The following PYGO1 variants were observed in gnomAD, a reference collection of about 807,000 sequenced individuals.
The protein encoded by PYGO1 is pygopus homolog 1.
A neutral mutation model predicts 29.5 loss-of-function variants in PYGO1; 6 were observed. That is an observed-to-expected ratio of 0.20 (90% CI 0.11 to 0.40). PYGO1 has a LOEUF of 0.40. PYGO1 is among the 10% of genes least tolerant of loss of function. The probability of loss-of-function intolerance (pLI) is 1.00; values close to 1 mark genes in which losing one functional copy is unlikely to be tolerated. For synonymous variants in PYGO1, 186 were observed against 180.5 expected, an observed-to-expected ratio of 1.03 and a Z score of -0.24; for missense variants, 515 against 514.9, an observed-to-expected ratio of 1.00 and a Z score of 0.00.
chr15:55,557,666 T>C (rs377729367), intron 1 of PYGO1, among the ~76,000 whole-genome samples: 5 of 152,112 alleles, frequency 3.3e-5, no homozygotes, highest in South Asian at 4.1e-4. Context: ...GGCTTCATCC[T>C]TGGGATGCAA....
At chr15:55,570,651 T>C (rs1486776403) in intron 1 of PYGO1, among the ~76,000 whole-genome samples, 2 of 152,102 alleles carry the variant, frequency 1.3e-5, no homozygotes, top group African/African-American at 4.8e-5. Flanking sequence ...AATGTGAAGA[T>C]AGTAAAGAGA....
intron 1 of PYGO1, among the ~76,000 whole-genome samples, chr15:55,582,647 T>G (rs749684625): frequency 3.9e-4 from 60 of 152,294 alleles, no homozygotes; most frequent in Admixed American, 1.6e-3. Flanking sequence ...CTTCCAGAGC[T>G]CTACTTCTGG....
chr15:55,574,032 C>T (rs962286649), intron 1 of PYGO1, among the ~76,000 whole-genome samples: 5 of 152,300 alleles, frequency 3.3e-5, no homozygotes, highest in South Asian at 2.1e-4. Flanking sequence ...TTTCTGGTAA[C>T]GTCATGGCTT....
rs2058836985 is a variant in PYGO1, at chr15:55,543,565, T to A, written c.*2458A>T. ...AACTATGTGGAAATAGAAAATGAAT[T>A]ATATTGCATAACACATACCTTTAGA... On this transcript the variant is annotated 3_prime_UTR_variant, in exon 3 of 3. Coordinates refer to ENST00000563719, the MANE Select transcript of PYGO1 (RefSeq NM_001367806.1). 1 of 152,228 alleles carries A rather than the reference T, an allele frequency of 6.6e-6. No individual in the cohort carries two copies. Among genetic ancestry groups the A allele is most frequent in the South Asian group, 2.1e-4 (1 of 4,836 alleles). The allele number at this position is 152,228 out of a possible 1,614,324, so 9.4% of individuals were successfully genotyped here. A position where few individuals can be genotyped will look rare whatever the true frequency, so the allele number is the denominator to read the frequency against.
At chr15:55,574,004 T>C (rs937502301) in intron 1 of PYGO1, among the ~76,000 whole-genome samples, 16 of 152,238 alleles carry the variant, frequency 1.1e-4, no homozygotes, top group African/African-American at 2.9e-4. Context: ...CTACGGTATA[T>C]ATCAAGCAAT....
At chr15:55,579,368 C>T (rs7164285) in intron 1 of PYGO1, among the ~76,000 whole-genome samples, 143,978 of 152,238 alleles carry the variant, frequency 0.95, 68,197 homozygotes, top group Admixed American at 0.97. Context: ...GGCGCCAAAC[C>T]TCAAAGTCCT....
At position 55,546,705 on chromosome 15, in the gene PYGO1, C is replaced by T. The variant is rs763694252; in HGVS notation, c.578G>A (p.Ser193Asn). ...NFSQIPPQNA[S>N]QVSNPDLASN... ...TGCCAAATCGGGGTTAGAAACTTGGCTAGCATTCTGTGGAGGAATTTGACT... is the reference window on the plus strand; with the variant it reads ...TGCCAAATCGGGGTTAGAAACTTGGTTAGCATTCTGTGGAGGAATTTGACT... Residue 193 changes from serine to asparagine, a missense_variant, in exon 3 of 3, where the codon AGC (serine) becomes AAC (asparagine). Coordinates refer to ENST00000563719, the MANE Select transcript of PYGO1 (RefSeq NM_001367806.1). 6.2e-7 allele frequency: 1 copy of T among 1,613,966 alleles called. No homozygotes were observed. The highest frequency in any genetic ancestry group is 1.1e-5 in the South Asian group (1 of 91,072).
chr15:55,556,270 C>A (rs952764395), intron 1 of PYGO1, among the ~76,000 whole-genome samples: 2 of 152,122 alleles, frequency 1.3e-5, no homozygotes, highest in Non-Finnish European at 2.9e-5. Context: ...CACTCCTTAG[C>A]AAATGCAAAA....
At chr15:55,588,675 AACGCCCG>A, upstream of PYGO1, 1 of 966,246 alleles carries the variant, frequency 1.0e-6, no homozygotes, top group South Asian at 1.8e-5. Flanking sequence ...CAGGCCCGAG[AACGCCCG>A]ACCCCGCGGC....
At chr15:55,552,095 C>T (rs949680856) in intron 1 of PYGO1, among the ~76,000 whole-genome samples, 16 of 151,916 alleles carry the variant, frequency 1.1e-4, no homozygotes, top group South Asian at 1.0e-3. Context: ...TGGCTCACAC[C>T]GGTAATCCCA....
In PYGO1 at chr15:55,539,802, C is replaced by A. The variant is rs189063275; in HGVS notation, c.*6221G>T. ...AGTACAAAATATACCATAACCATGC[C>A]GAATATGATGCAGTATAGAGATATC... is the stretch of plus-strand genomic sequence containing the variant. On this transcript the variant is annotated 3_prime_UTR_variant, in exon 3 of 3. Coordinates refer to ENST00000563719, the MANE Select transcript of PYGO1 (RefSeq NM_001367806.1). 17 of 151,788 alleles carry A rather than the reference C, an allele frequency of 1.1e-4. No homozygotes were observed. The highest frequency in any genetic ancestry group is 3.6e-4 in the African/African-American group (15 of 41,454). The allele number at this position is 151,788 out of a possible 1,614,324, so 9.4% of individuals were successfully genotyped here.
In PYGO1 at chr15:55,573,542, T is replaced by C. The variant is rs553537993; in HGVS notation, c.49+14293A>G. ...TCTCAGAGAGTTATGTGCACTCCCA[T>C]GTTTGTTACATTATTCACAAGAGCC... On this transcript the variant is annotated intron_variant, in intron 1 of 2. Transcript: ENST00000563719. 5.3e-5 allele frequency among the ~76,000 whole-genome samples: 8 copies of C among 152,274 alleles called. No individual in the cohort carries two copies. The East Asian group carries it at 1.3e-3, about 26-fold the overall frequency.
intron 1 of PYGO1, among the ~76,000 whole-genome samples, chr15:55,567,838 C>T (rs1027226722): frequency 1.3e-5 from 2 of 152,114 alleles, no homozygotes; most frequent in African/African-American, 4.8e-5. Context: ...ATCCCAGCGC[C>T]ATTTACTGGG....
intron 1 of PYGO1, among the ~76,000 whole-genome samples, chr15:55,551,496 C>T (rs1179991175): frequency 2.0e-5 from 3 of 152,096 alleles, no homozygotes; most frequent in Non-Finnish European, 4.4e-5. Context: ...AGACTAACAC[C>T]TCCTAAGAAT....
chr15:55,556,315 G>A (rs557507457), intron 1 of PYGO1, among the ~76,000 whole-genome samples: 4 of 152,182 alleles, frequency 2.6e-5, no homozygotes, highest in East Asian at 1.9e-4. Flanking sequence ...ACACCACAGC[G>A]CAATCAAATG....
At chr15:55,578,373 A>G (rs533646962) in intron 1 of PYGO1, among the ~76,000 whole-genome samples, 31 of 152,050 alleles carry the variant, frequency 2.0e-4, no homozygotes, top group South Asian at 1.7e-3. Context: ...TTGAGTATCT[A>G]TCTAGAGGTG....
chr15:55,570,597 A>C (rs193057769), intron 1 of PYGO1, among the ~76,000 whole-genome samples: 17 of 152,094 alleles, frequency 1.1e-4, no homozygotes, highest in Admixed American at 7.2e-4. Flanking sequence ...TCTTGTTATA[A>C]AATTTTAAAT....
chr15:55,547,234 G>C, intron 2 of PYGO1, 87 bp from the exon 3 acceptor site: 2 of 1,182,892 alleles, frequency 1.7e-6, no homozygotes, highest in East Asian at 2.6e-5. Context: ...TGTGAACCTA[G>C]TATTAGTCAA....
Position 55,575,903 on chromosome 15 carries a change from T to C in PYGO1, c.49+11932A>G, listed in dbSNP as rs2058999571. On this transcript the variant is annotated intron_variant, in intron 1 of 2. Transcript: ENST00000563719. ...GGGCCCCTCCTCTGAGTTTGTACAA[T>C]TTAATAATTTCAGCCACAATCCTTT... Among the ~76,000 whole-genome samples the C allele has an allele frequency of 2.6e-5, 4 of 152,294 alleles. No individual in the cohort carries two copies. The South Asian group carries it at 8.3e-4, about 32-fold the overall frequency.
Sources: gnomAD v4.1 joint callset for allele counts (sites outside exome capture counted in the v4.1 genomes callset) on GRCh38, gnomAD v4.1.1 for gene constraint, MANE v1.5 for transcripts, NCBI Gene and HGNC (gene_info 2026-07-23, HGNC 2026-07-21) for gene names.